The following NRXN3 variants were observed in gnomAD, a reference collection of about 807,000 sequenced individuals.
NRXN3 encodes the protein neurexin III.
In NRXN3, 32 loss-of-function variants were observed where a neutral mutation model predicts 137.6. That is an observed-to-expected ratio of 0.23 (90% CI 0.18 to 0.31). The LOEUF (loss-of-function observed/expected upper bound fraction) is 0.31. NRXN3 is among the 10% of genes least tolerant of loss of function. The probability of loss-of-function intolerance (pLI) is 1.00; values close to 1 mark genes in which losing one functional copy is unlikely to be tolerated. For synonymous variants in NRXN3, 798 were observed against 784.5 expected, an observed-to-expected ratio of 1.02 and a Z score of -0.29; for missense variants, 1,574 against 2,062.5, an observed-to-expected ratio of 0.76 and a Z score of 4.59.
intron 15 of NRXN3, among the ~76,000 whole-genome samples, chr14:79,175,930 C>T (rs149183537): frequency 6.2e-4 from 94 of 152,268 alleles, no homozygotes; most frequent in African/African-American, 2.2e-3. Context: ...AGAGCATGCA[C>T]GACTCTGTAG....
chr14:78,804,956 G>A (rs898547678), intron 9 of NRXN3, among the ~76,000 whole-genome samples: 4 of 152,180 alleles, frequency 2.6e-5, no homozygotes, highest in African/African-American at 9.7e-5. Context: ...GTTTGTCAGA[G>A]CCATGGAGAA....
intron 15 of NRXN3, among the ~76,000 whole-genome samples, chr14:78,994,135 T>A (rs2099524985): frequency 6.6e-6 from 1 of 152,108 alleles, no homozygotes; most frequent in African/African-American, 2.4e-5. Context: ...ATTACAGGTG[T>A]GAGCCACTGC....
At chr14:78,258,073 G>C (rs2153471903) in intron 2 of NRXN3, among the ~76,000 whole-genome samples, 1 of 152,276 alleles carries the variant, frequency 6.6e-6, no homozygotes, top group East Asian at 1.9e-4. Flanking sequence ...TCACTTCTCT[G>C]TGTTTCCATT....
intron 20 of NRXN3, among the ~76,000 whole-genome samples, chr14:79,830,164 T>C (rs983943160): frequency 6.6e-6 from 1 of 152,056 alleles, no homozygotes; most frequent in Middle Eastern, 3.4e-3. Flanking sequence ...CATTTTAAAA[T>C]GAATGAAGTT....
chr14:78,485,333 C>A (rs1250457423), intron 4 of NRXN3, among the ~76,000 whole-genome samples: 2 of 152,138 alleles, frequency 1.3e-5, no homozygotes, highest in East Asian at 3.9e-4. Flanking sequence ...CCCCCAGAGC[C>A]AAAGTTTACC....
chr14:78,560,945 T>A (rs181876058), intron 4 of NRXN3, among the ~76,000 whole-genome samples: 5 of 152,346 alleles, frequency 3.3e-5, no homozygotes, highest in Admixed American at 2.0e-4. Context: ...TTTTTCAGGA[T>A]GCTTTTTCGC....
At chr14:79,689,713 C>T (rs968982036) in intron 17 of NRXN3, among the ~76,000 whole-genome samples, 1 of 152,042 alleles carries the variant, frequency 6.6e-6, no homozygotes, top group Non-Finnish European at 1.5e-5. Context: ...GTTTATCTAA[C>T]ATAGTTATCT....
chr14:78,872,104 G>A (rs1469817458), intron 10 of NRXN3, among the ~76,000 whole-genome samples: 3 of 151,672 alleles, frequency 2.0e-5, no homozygotes, highest in Non-Finnish European at 2.9e-5. Flanking sequence ...AAACAATGTG[G>A]TTATGGTGCT....
intron 4 of NRXN3, among the ~76,000 whole-genome samples, chr14:78,595,582 A>G (rs1385900668): frequency 1.3e-5 from 2 of 152,146 alleles, no homozygotes; most frequent in Admixed American, 6.5e-5. Flanking sequence ...CACACTGGCT[A>G]TATATCTGAA....
At position 78,966,351 on chromosome 14, in the gene NRXN3, A is replaced by G; in HGVS notation, c.2722A>G (p.Ile908Val). ...CAAGACCACCTCACCAGATGGCTTCATTCTCTTCAATAGTGGTGATGGCAA... is the reference window on the plus strand; with the variant it reads ...CAAGACCACCTCACCAGATGGCTTCGTTCTCTTCAATAGTGGTGATGGCAA... ...QFKTTSPDGF[I>V]LFNSGDGNDF... The change falls in exon 12 of 21, where the codon ATT becomes GTT. Residue 908 changes from isoleucine to valine, a missense_variant. This residue lies in a region of NRXN3 where 718 missense variants were observed against 887.6 expected (regional missense o/e 0.81). Transcript: ENST00000335750. The G allele has an allele frequency of 6.2e-7, 1 of 1,614,184 alleles. No homozygotes were observed. The highest frequency in any genetic ancestry group is 8.5e-7 in the Non-Finnish European group (1 of 1,180,026).
At chr14:78,680,188 A>G (rs1602332476) in intron 6 of NRXN3, among the ~76,000 whole-genome samples, 1 of 152,260 alleles carries the variant, frequency 6.6e-6, no homozygotes, top group Non-Finnish European at 1.5e-5. Context: ...ATGAGAACAC[A>G]TGGACACATA....
At chr14:79,464,080 A>C (rs1479414079) in intron 15 of NRXN3, among the ~76,000 whole-genome samples, 2 of 152,194 alleles carry the variant, frequency 1.3e-5, no homozygotes, top group African/African-American at 4.8e-5. Flanking sequence ...TAAAGAGAAA[A>C]AACAATAACA....
intron 10 of NRXN3, among the ~76,000 whole-genome samples, chr14:78,836,803 G>A (rs1018710056): frequency 6.6e-6 from 1 of 152,252 alleles, no homozygotes; most frequent in African/African-American, 2.4e-5. Flanking sequence ...AATACTTTCA[G>A]CATTGGCATA....
chr14:79,506,175 C>T (rs997842749), intron 16 of NRXN3, among the ~76,000 whole-genome samples: 6 of 152,112 alleles, frequency 3.9e-5, no homozygotes, highest in African/African-American at 1.4e-4. Flanking sequence ...ATTGGTTAAG[C>T]AAATTACAGG....
In NRXN3 at chr14:79,280,389, T is replaced by C. The variant is rs749714476; in HGVS notation, c.3263-186832T>C. ...TTCTGGGGATGTATCGTCAGCTCTGTATGGAGTTCTTCTAATGTAGCTTCC... is the reference window on the plus strand; with the variant it reads ...TTCTGGGGATGTATCGTCAGCTCTGCATGGAGTTCTTCTAATGTAGCTTCC... On this transcript the variant is annotated intron_variant, in intron 15 of 20. Coordinates refer to ENST00000335750, the MANE Select transcript of NRXN3 (RefSeq NM_001330195.2). 8 of 1,613,994 alleles carry C rather than the reference T, an allele frequency of 5.0e-6. No individual in the cohort carries two copies. In the South Asian group the frequency reaches 5.5e-5, roughly 11 times the overall value.
intron 15 of NRXN3, among the ~76,000 whole-genome samples, chr14:79,258,138 A>G (rs2077049699): frequency 6.6e-6 from 1 of 152,200 alleles, no homozygotes; most frequent in Non-Finnish European, 1.5e-5. Context: ...TCTTACACTC[A>G]TGCTTAAAAG....
In NRXN3 at chr14:79,395,702, C is replaced by T. The variant is rs66572468; in HGVS notation, c.3263-71519C>T. Among the ~76,000 whole-genome samples, 1,336 of 150,974 alleles carry T rather than the reference C, an allele frequency of 8.8e-3. 33 individuals are homozygous for T. In the East Asian group the frequency reaches 0.1, roughly 11 times the overall value. On this transcript the variant is annotated intron_variant, in intron 15 of 20. Coordinates refer to ENST00000335750, the MANE Select transcript of NRXN3 (RefSeq NM_001330195.2). ...TGGGCGCCTGTAGTCCCAGCTACTCCGGAGGCTGAGTCAGGAGAATGGCGT... is the reference window on the plus strand; with the variant it reads ...TGGGCGCCTGTAGTCCCAGCTACTCTGGAGGCTGAGTCAGGAGAATGGCGT...
intron 16 of NRXN3, among the ~76,000 whole-genome samples, chr14:79,507,358 G>A (rs2096888282): frequency 6.6e-6 from 1 of 152,098 alleles, no homozygotes; most frequent in Admixed American, 6.5e-5. Flanking sequence ...AGGTACATAG[G>A]AACTCTCTGT....
intron 15 of NRXN3, among the ~76,000 whole-genome samples, chr14:79,400,095 G>A (rs1174621683): frequency 1.3e-5 from 2 of 152,318 alleles, no homozygotes; most frequent in Non-Finnish European, 2.9e-5. Flanking sequence ...AATCCAATAT[G>A]ACCTCATTTA....
Sources: allele counts gnomAD v4.1 joint callset (sites outside exome capture counted in the v4.1 genomes callset), GRCh38; gene constraint gnomAD v4.1.1; regional missense constraint gnomAD v4.1.1; transcripts MANE v1.5; gene names NCBI Gene and HGNC (gene_info 2026-07-23, HGNC 2026-07-21).